The following TACC2 variants were observed in gnomAD, a reference collection of about 807,000 sequenced individuals.
TACC2 encodes the protein transforming acidic coiled-coil containing protein 2, also known as transforming acidic coiled-coil-containing protein 2.
A neutral mutation model predicts 227.3 loss-of-function variants in TACC2; 137 were observed. The observed-to-expected ratio is 0.60, with a 90% CI of 0.52 to 0.69. The LOEUF is 0.69. Ranked by LOEUF, TACC2 falls within the 30% of genes least tolerant of loss-of-function variation. The pLI is 0.00. For synonymous variants in TACC2, 1,523 were observed against 1,487.5 expected (o/e 1.02, Z -0.55); for missense variants, 3,470 against 3,694.4 (o/e 0.94, Z 1.57).
In TACC2 at chr10:122,005,407, G is replaced by A. The variant is rs1235019853; in HGVS notation, c.-46+15919G>A. 4.8e-5 allele frequency among the ~76,000 whole-genome samples: 6 copies of A among 126,132 alleles called. 1 individual carries two copies. The highest frequency in any genetic ancestry group is 1.2e-4 in the African/African-American group (4 of 33,332). The allele number at this position is 126,132 out of a possible 152,430, so 82.7% of individuals were successfully genotyped here. A position where few individuals can be genotyped will look rare whatever the true frequency, so the allele number is the denominator to read the frequency against. ...CTTTTTTTTTTTTTTTTGAGACAGA[G>A]TCTTGCTCTGTCGCCCAGGCTGGAT... On this transcript the variant is annotated intron_variant, in intron 1 of 22. Coordinates refer to ENST00000369005, the MANE Select transcript of TACC2 (RefSeq NM_206862.4).
chr10:122,027,674 G>A (rs1325245109), intron 2 of TACC2, among the ~76,000 whole-genome samples: 1 of 151,506 alleles, frequency 6.6e-6, no homozygotes, highest in Non-Finnish European at 1.5e-5. Context: ...AATTGTTTTT[G>A]CTGTTCTTGC....
chr10:122,153,524 C>T (rs1289961911), intron 7 of TACC2, among the ~76,000 whole-genome samples: 1 of 152,140 alleles, frequency 6.6e-6, no homozygotes, highest in African/African-American at 2.4e-5. Context: ...TTGCAGACCT[C>T]GGGTTTCGAG....
intron 8 of TACC2, among the ~76,000 whole-genome samples, chr10:122,203,300 C>T (rs2094946084): frequency 1.5e-5 from 2 of 134,408 alleles, no homozygotes; most frequent in African/African-American, 7.2e-5. Context: ...CTCCTCACTT[C>T]CCAGTAGGGG....
At chr10:122,076,357 C>G (rs933157579) in intron 3 of TACC2, among the ~76,000 whole-genome samples, 1 of 152,098 alleles carries the variant, frequency 6.6e-6, no homozygotes, top group African/African-American at 2.4e-5. Context: ...TCTTAAAGGC[C>G]CCCACCTTTC....
chr10:122,086,944 G>A lies in TACC2; in HGVS notation c.4444G>A (p.Ala1482Thr). The A allele has an allele frequency of 1.9e-6, 3 of 1,613,964 alleles. No individual in the cohort carries two copies. The highest frequency in any genetic ancestry group is 1.1e-5 in the South Asian group (1 of 91,082). ...GAAGAAGCAACAGTTGGCTGGAGAG[G>A]CTGAGATTTCCCATCTGGCTCTGCA... ...VEKKQQLAGE[A>T]EISHLALQDP... Residue 1482 changes from alanine (A) to threonine (T), a missense_variant, in exon 4 of 23, where the codon GCT becomes ACT. Physicochemically the swap from Ala to Thr is moderately conservative, Grantham distance 58. Transcript: ENST00000369005.
intron 1 of TACC2, among the ~76,000 whole-genome samples, chr10:121,993,398 T>A (rs548201554): frequency 3.3e-5 from 5 of 152,322 alleles, no homozygotes; most frequent in African/African-American, 1.2e-4. Flanking sequence ...TCACATGAGA[T>A]AAAATCCCTA....
At position 122,141,898 on chromosome 10, in the gene TACC2, T is replaced by C. The variant is rs1385477161; in HGVS notation, c.5700-1674T>C. On this transcript the variant is annotated intron_variant, in intron 6 of 22. Transcript: ENST00000369005. This position sits in a 1 kb window ranked among gnomAD's most constrained non-coding sequence, Gnocchi z 4.3. ...ACTAGTAGTTTGCGTTTGTAAGTGG[T>C]CCATTTGCCGATTATGAGTACATGT... 1.3e-5 allele frequency among the ~76,000 whole-genome samples: 2 copies of C among 152,232 alleles called. No individual in the cohort carries two copies. The highest frequency in any genetic ancestry group is 2.9e-5 in the Non-Finnish European group (2 of 68,040).
At chr10:122,104,877 C>G (rs951878540) in intron 5 of TACC2, among the ~76,000 whole-genome samples, 1 of 152,244 alleles carries the variant, frequency 6.6e-6, no homozygotes, top group Non-Finnish European at 1.5e-5. Flanking sequence ...TCTTCCAACG[C>G]TGGTTAAAAT....
intron 8 of TACC2, among the ~76,000 whole-genome samples, chr10:122,203,023 G>A (rs1006852093): frequency 6.6e-6 from 1 of 151,960 alleles, no homozygotes; most frequent in African/African-American, 2.4e-5. Context: ...ATTTTTCTTA[G>A]TACAGAACAA....
chr10:122,014,104 C>A (rs1354847449), intron 1 of TACC2, among the ~76,000 whole-genome samples: 1 of 152,088 alleles, frequency 6.6e-6, no homozygotes, highest in Admixed American at 6.5e-5. Flanking sequence ...TCTAACATAT[C>A]AACAAATCCC....
chr10:122,131,339 A>G (rs186672535), intron 5 of TACC2, among the ~76,000 whole-genome samples: 137 of 152,292 alleles, frequency 9.0e-4, no homozygotes, highest in Non-Finnish European at 1.5e-3. Flanking sequence ...ACTTATGGCT[A>G]CAGAGCGGAG....
At chr10:122,052,829 G>A (rs1705330469) in intron 3 of TACC2, 1 of 152,128 alleles carries the variant, frequency 6.6e-6, no homozygotes, top group Admixed American at 6.6e-5. Flanking sequence ...ACCATCTATC[G>A]AGAAGGAACA....
intron 3 of TACC2, among the ~76,000 whole-genome samples, chr10:122,063,756 T>C (rs2136489339): frequency 6.6e-6 from 1 of 151,722 alleles, no homozygotes; most frequent in East Asian, 1.9e-4. Context: ...TATATTTTGT[T>C]AGGTGGTATA....
At chr10:121,995,315 A>C (rs1314702968) in intron 1 of TACC2, among the ~76,000 whole-genome samples, 1 of 152,214 alleles carries the variant, frequency 6.6e-6, no homozygotes. Context: ...GTTAAAGCCA[A>C]AGTTAGGCAG....
intron 5 of TACC2, among the ~76,000 whole-genome samples, chr10:122,129,050 ATCTTATTTTAAT>A (rs2087463451): frequency 8.7e-6 from 1 of 115,568 alleles, no homozygotes; most frequent in South Asian, 3.4e-4. Flanking sequence ...ATGAAGATCT[ATCTTATTTTAAT>A]TATTATTATT....
rs200529740 is a variant in TACC2 at position 122,210,674 on chromosome 10, G to C, written c.6249G>C (p.Leu2083=). The C allele has an allele frequency of 2.5e-6, 4 of 1,614,080 alleles. No homozygotes were observed. Among genetic ancestry groups the C allele is most frequent in the Non-Finnish European group, 3.4e-6 (4 of 1,180,034 alleles). ...TDSVPISKST[L]SRSLSLQASD... The stretch of plus-strand genomic sequence containing the variant: ...CCGTCCCCATCTCTAAGTCTACACT[G>C]TCCCGGTCGCTCAGCCTGCAAGCCA... Residue 2083 remains leucine, a synonymous_variant, in exon 9 of 23, where the codon CTG becomes CTC. Coordinates refer to ENST00000369005, the MANE Select transcript of TACC2 (RefSeq NM_206862.4). The surrounding 1 kb of genome is among the most constrained non-coding windows in gnomAD (Gnocchi z 4.6).
chr10:122,211,660 G>A lies in TACC2; in HGVS notation c.7235G>A (p.Gly2412Glu), dbSNP rs774537634. ...ASAMEANGVD[G>E]DGLNKPAKKK... ...GCTATGGAAGCCAATGGAGTGGACGGGGATGGGCTAAACAAGCCCGCCAAG... is the reference window on the plus strand; with the variant it reads ...GCTATGGAAGCCAATGGAGTGGACGAGGATGGGCTAAACAAGCCCGCCAAG... Residue 2412 changes from glycine (G) to glutamate (E), a missense_variant, in exon 9 of 23, where the codon GGG becomes GAG. Gly to Glu is a moderately conservative substitution (Grantham distance 98). This residue lies in a region of TACC2 where 593 missense variants were observed against 636.6 expected (regional missense o/e 0.93). Transcript: ENST00000369005. The A allele has an allele frequency of 6.3e-7, 1 of 1,591,078 alleles. No homozygotes were observed. The highest frequency in any genetic ancestry group is 1.4e-5 in the African/African-American group (1 of 73,442).
intron 16 of TACC2, among the ~76,000 whole-genome samples, chr10:122,236,149 G>A (rs1452958487): frequency 4.6e-5 from 7 of 152,184 alleles, no homozygotes; most frequent in Admixed American, 3.3e-4. Flanking sequence ...AGGCACGCCT[G>A]TTCTGGTGGT....
In TACC2 at chr10:122,082,547, T is replaced by C. The variant is rs1565234604; in HGVS notation, c.147-100T>C. 1.8e-5 allele frequency: 24 copies of C among 1,321,436 alleles called. 1 individual carries two copies. The highest frequency in any genetic ancestry group is 4.5e-4 in the Middle Eastern group (2 of 4,488). The allele number at this position is 1,321,436 out of a possible 1,614,324, so 81.9% of individuals were successfully genotyped here. ...GATGCTGTGTCTGTGGTTAGGGCACTTGATGCCCTTTTGTGGGGGTGGGTT... is the reference window on the plus strand; with the variant it reads ...GATGCTGTGTCTGTGGTTAGGGCACCTGATGCCCTTTTGTGGGGGTGGGTT... On this transcript the variant is annotated intron_variant, in intron 3 of 22. Coordinates refer to ENST00000369005, the MANE Select transcript of TACC2 (RefSeq NM_206862.4).
Sources: gnomAD v4.1 joint callset for allele counts (sites outside exome capture counted in the v4.1 genomes callset) on GRCh38, gnomAD v4.1.1 for gene constraint, gnomAD v4.1.1 regional missense constraint, Gnocchi (gnomAD v3.1) non-coding constraint, MANE v1.5 for transcripts, NCBI Gene and HGNC (gene_info 2026-07-23, HGNC 2026-07-21) for gene names.